DYNC2LI1: variants seen among roughly 807,000 people sequenced by gnomAD.
DYNC2LI1 encodes the protein cytoplasmic dynein 2 light intermediate chain 1.
DYNC2LI1 carries 45 observed loss-of-function variants against 51.9 expected under a neutral mutation model. The observed-to-expected ratio is 0.87, with a 90% confidence interval of 0.68 to 1.11. The LOEUF (loss-of-function observed/expected upper bound fraction) is 1.11. DYNC2LI1 is among the 50% of genes most tolerant of loss of function. The probability of loss-of-function intolerance (pLI) is 0.00; values close to 1 mark genes in which losing one functional copy is unlikely to be tolerated. For synonymous variants in DYNC2LI1, 130 were observed against 137.8 expected, an observed-to-expected ratio of 0.94 and a Z score of 0.40; for missense variants, 490 against 417.4, an observed-to-expected ratio of 1.17 and a Z score of -1.51.
intron 6 of DYNC2LI1, chr2:43,795,062 TC>T: frequency 9.7e-7 from 1 of 1,027,894 alleles, no homozygotes; most frequent in Non-Finnish European, 1.2e-6. Context: ...TACATTCATT[TC>T]GTTTCTGTCA....
intron 2 of DYNC2LI1, among the ~76,000 whole-genome samples, chr2:43,779,231 A>C (rs1673165311): frequency 6.6e-6 from 1 of 152,124 alleles, no homozygotes. Flanking sequence ...GTGCCACTAC[A>C]CTCTAGCCTG....
At chr2:43,828,093 A>G in the DYNC2LI1 span, 1 of 1,614,056 alleles carries the variant, frequency 6.2e-7, no homozygotes, top group Non-Finnish European at 8.5e-7. Context: ...GCTCAGACTC[A>G]GCTCTGCCAT....
chr2:43,825,490 T>G, the DYNC2LI1 span, among the ~76,000 whole-genome samples: 1 of 152,180 alleles, frequency 6.6e-6, no homozygotes, highest in Non-Finnish European at 1.5e-5. Context: ...AGGAAATCAG[T>G]ATGATTTCGT....
In DYNC2LI1 at chr2:43,785,548, A is replaced by G. The variant is rs139736287; in HGVS notation, c.162-1633A>G. ...CAGGAGTTCGAGATCAGCCTGGCCAACATAGTGAAACCTCATCTCTACTAA... is the reference window on the plus strand; with the variant it reads ...CAGGAGTTCGAGATCAGCCTGGCCAGCATAGTGAAACCTCATCTCTACTAA... On this transcript the variant is annotated intron_variant, in intron 3 of 12. Transcript: ENST00000260605. 9.9e-3 allele frequency among the ~76,000 whole-genome samples: 1,507 copies of G among 152,090 alleles called. 28 individuals are homozygous for G. Among genetic ancestry groups the G allele is most frequent in the African/African-American group, 0.032 (1,347 of 41,450 alleles).
chr2:43,826,604 T>G, the DYNC2LI1 span: 4 of 1,594,384 alleles, frequency 2.5e-6, no homozygotes, highest in East Asian at 8.9e-5. Flanking sequence ...GAACTGTTCC[T>G]TATTGAGTTT....
downstream of DYNC2LI1, among the ~76,000 whole-genome samples, chr2:43,813,718 T>C: frequency 8.0e-6 from 1 of 125,154 alleles, no homozygotes; most frequent in Non-Finnish European, 1.7e-5. Context: ...CGTTTTTTTT[T>C]TTTTTTTTTT....
chr2:43,826,661 G>A, the DYNC2LI1 span: 1 of 1,338,050 alleles, frequency 7.5e-7, no homozygotes. Flanking sequence ...ATGTAAACTG[G>A]CTTTCAGCCT....
chr2:43,810,281 C>A, downstream of DYNC2LI1: 1 of 819,916 alleles, frequency 1.2e-6, no homozygotes, highest in Non-Finnish European at 1.5e-6. Context: ...CCTAGAGTGT[C>A]GCCATCAGTG....
the DYNC2LI1 span, among the ~76,000 whole-genome samples, chr2:43,821,533 G>A: frequency 6.6e-6 from 1 of 152,082 alleles, no homozygotes; most frequent in Non-Finnish European, 1.5e-5. Context: ...CCTCACTGCC[G>A]CAGATGCTGG....
At chr2:43,796,024 A>G in intron 7 of DYNC2LI1, 66 bp downstream of exon 7, 1 of 1,086,272 alleles carries the variant, frequency 9.2e-7, no homozygotes, top group Non-Finnish European at 1.4e-6. Flanking sequence ...TGAGGGAGGT[A>G]CAAAAATAAT....
chr2:43,809,407 G>C (rs1666399590), intron 12 of DYNC2LI1, among the ~76,000 whole-genome samples: 1 of 152,180 alleles, frequency 6.6e-6, no homozygotes, highest in Non-Finnish European at 1.5e-5. Context: ...CAGATGTCTA[G>C]TTCATTAGTT....
chr2:43,786,574 G>A (rs1361198538), intron 3 of DYNC2LI1, among the ~76,000 whole-genome samples: 1 of 152,092 alleles, frequency 6.6e-6, no homozygotes, highest in African/African-American at 2.4e-5. Context: ...GGCCGAGGCG[G>A]GCGGATCACG....
chr2:43,789,176 A>G (rs1189813284), intron 4 of DYNC2LI1, among the ~76,000 whole-genome samples: 2 of 152,082 alleles, frequency 1.3e-5, no homozygotes, highest in Non-Finnish European at 2.9e-5. Context: ...CCTTTTCTTC[A>G]TGCTTTACGT....
chr2:43,820,501 A>G, the DYNC2LI1 span, among the ~76,000 whole-genome samples: 3 of 152,098 alleles, frequency 2.0e-5, no homozygotes, highest in Non-Finnish European at 4.4e-5. Context: ...CCCGCTTCCC[A>G]GCACCCCCTT....
At chr2:43,804,801 T>G (rs1404040567) in intron 11 of DYNC2LI1, 62 bp downstream of exon 11, 1 of 982,822 alleles carries the variant, frequency 1.0e-6, no homozygotes, top group Non-Finnish European at 1.5e-6. Flanking sequence ...TTATAGGAAA[T>G]GTGTCAAAGG....
rs1368627385 is a variant in DYNC2LI1, at chr2:43,795,221, T to C, written c.507+578T>C. The C allele has an allele frequency of 3.3e-5, 33 of 986,282 alleles. No homozygotes were observed. In the South Asian group the frequency reaches 1.4e-3, roughly 42 times the overall value. 61.1% of individuals were successfully genotyped at this position (986,282 alleles called of 1,614,324 possible). On this transcript the variant is annotated intron_variant, in intron 6 of 12. Coordinates refer to ENST00000260605, the MANE Select transcript of DYNC2LI1 (RefSeq NM_016008.4). ...ATATTATCCAGAGTTTATAAGAAAG[T>C]GTAGCAGGGTGCGATGGCTCATGCT...
chr2:43,795,983 G>C lies in DYNC2LI1; in HGVS notation c.576+25G>C, dbSNP rs769682049. ...GGTAAGCTCTTCCGCTTCTAGCTGA[G>C]TTTGTTGTACATATATGGCTGTGCT... On this transcript the variant is annotated intron_variant, in intron 7 of 12. Coordinates refer to ENST00000260605, the MANE Select transcript of DYNC2LI1 (RefSeq NM_016008.4). 3.2e-5 allele frequency: 51 copies of C among 1,569,344 alleles called. No homozygotes were observed. In the Admixed American group the frequency reaches 5.5e-4, roughly 17 times the overall value.
chr2:43,783,923 T>C (rs562530043), intron 3 of DYNC2LI1, among the ~76,000 whole-genome samples: 7 of 152,210 alleles, frequency 4.6e-5, no homozygotes, highest in Admixed American at 2.0e-4. Flanking sequence ...GGGTACATTT[T>C]TGAAGCACAG....
At chr2:43,819,873 CAG>C in the DYNC2LI1 span, 2 of 1,597,932 alleles carry the variant, frequency 1.3e-6, no homozygotes, top group South Asian at 2.2e-5. Context: ...TCATTAATAA[CAG>C]ATTATCCCAA....
Sources: allele counts gnomAD v4.1 joint callset (sites outside exome capture counted in the v4.1 genomes callset), GRCh38; gene constraint gnomAD v4.1.1; transcripts MANE v1.5; gene names NCBI Gene and HGNC (gene_info 2026-07-23, HGNC 2026-07-21).